Variants in HELQ observed in about 807,000 individuals in gnomAD.
The protein encoded by HELQ is helicase, POLQ like.
Under a neutral mutation model 111.6 loss-of-function variants are expected in HELQ, and 77 were observed. That is an observed-to-expected ratio of 0.69 (90% CI 0.57 to 0.83). The LOEUF (loss-of-function observed/expected upper bound fraction) is 0.83. Ranked by LOEUF, HELQ falls within the 40% of genes least tolerant of loss-of-function variation. The pLI is 0.00. For synonymous variants in HELQ, 438 were observed against 454.7 expected (o/e 0.96, Z 0.47); for missense variants, 1,200 against 1,288.5 (o/e 0.93, Z 1.05).
chr4:83,455,825 G>C (rs1721766875), upstream of HELQ: 3 of 933,122 alleles, frequency 3.2e-6, no homozygotes, highest in Admixed American at 2.3e-5. Flanking sequence ...TTAGCTCTCA[G>C]GGCTCGCGGA....
Position 83,453,387 on chromosome 4 carries a change from T to C in HELQ, c.856A>G (p.Arg286Gly). 1.2e-6 allele frequency: 2 copies of C among 1,606,484 alleles called. No individual in the cohort carries two copies. Among genetic ancestry groups the C allele is most frequent in the South Asian group, 1.1e-5 (1 of 89,090 alleles). The change falls in exon 2 of 18, where the codon AGA (arginine) becomes GGA (glycine). Residue 286 changes from arginine to glycine, a missense_variant. Arg to Gly is a moderately radical substitution (Grantham distance 125, BLOSUM62 -2). Transcript: ENST00000295488. ...AGAGTGTCTTTGAGCTGTTTACTTCTAGAAAATATTGGTGTCTGGGCCTTC... is the reference window on the plus strand; with the variant it reads ...AGAGTGTCTTTGAGCTGTTTACTTCCAGAAAATATTGGTGTCTGGGCCTTC... ...NAKAQTPIFS[R>G]SKQLKDTLLS...
intron 3 of HELQ, among the ~76,000 whole-genome samples, chr4:83,447,592 C>T (rs1421571700): frequency 6.6e-6 from 1 of 152,070 alleles, no homozygotes; most frequent in Non-Finnish European, 1.5e-5. Flanking sequence ...GGTGTGTTGG[C>T]TCATGCCTGT....
intron 3 of HELQ, among the ~76,000 whole-genome samples, chr4:83,447,705 A>G (rs956155842): frequency 1.3e-5 from 2 of 151,880 alleles, no homozygotes; most frequent in African/African-American, 4.8e-5. Flanking sequence ...CCAAAAATAA[A>G]AAAATTAGCC....
At chr4:83,428,597 C>T (rs1221929128) in intron 12 of HELQ, among the ~76,000 whole-genome samples, 1 of 151,910 alleles carries the variant, frequency 6.6e-6, no homozygotes, top group Non-Finnish European at 1.5e-5. Flanking sequence ...AAACAACCCC[C>T]ACAACACTTT....
intron 17 of HELQ, among the ~76,000 whole-genome samples, chr4:83,414,425 C>T (rs1168787433): frequency 6.6e-6 from 1 of 152,156 alleles, no homozygotes; most frequent in Non-Finnish European, 1.5e-5. Flanking sequence ...CTTTAAAGTT[C>T]TGTTGACCCC....
At position 83,436,955 on chromosome 4, in the gene HELQ, C is replaced by T; in HGVS notation, c.1951G>A (p.Glu651Lys). ...AYHHSGLTSD[E>K]RKLLEEAYST... The stretch of plus-strand genomic sequence containing the variant: ...TAGGCCTCCTCCAAGAGTTTCCTTT[C>T]ATCACTTGTTAAGCCACTGTGGTGA... The change falls in exon 9 of 18, where the codon GAA becomes AAA. Residue 651 changes from glutamate (E) to lysine (K), a missense_variant. By Grantham distance (56) the Glu-to-Lys change is moderately conservative. Transcript: ENST00000295488. The T allele has an allele frequency of 6.2e-7, 1 of 1,614,216 alleles. No individual in the cohort carries two copies. The highest frequency in any genetic ancestry group is 8.5e-7 in the Non-Finnish European group (1 of 1,180,028).
At chr4:83,424,857 A>G (rs1719759900) in intron 14 of HELQ, among the ~76,000 whole-genome samples, 1 of 152,142 alleles carries the variant, frequency 6.6e-6, no homozygotes, top group Admixed American at 6.6e-5. Context: ...GCCGGGCCCA[A>G]TATTTTTGAT....
Position 83,407,542 on chromosome 4 carries a change from C to T in HELQ, c.3217G>A (p.Ala1073Thr). The T allele has an allele frequency of 1.2e-6, 2 of 1,610,816 alleles. No individual in the cohort carries two copies. The highest frequency in any genetic ancestry group is 1.7e-6 in the Non-Finnish European group (2 of 1,178,796). ...SSAKMLLHEK[A>T]EALQEEVEEL... Reference sequence around the variant, plus strand: ...TCTACCTCTTCTTGCAGGGCTTCTGCTTTTTCATGCAACAGCATCTACATT... The same window carrying T: ...TCTACCTCTTCTTGCAGGGCTTCTGTTTTTTCATGCAACAGCATCTACATT... Residue 1073 changes from alanine (A) to threonine (T), a missense_variant, in exon 18 of 18, where the codon GCA becomes ACA. By Grantham distance (58) the Ala-to-Thr change is moderately conservative. Coordinates refer to ENST00000295488, the MANE Select transcript of HELQ (RefSeq NM_133636.5).
In HELQ at chr4:83,453,954, AG is replaced by A. The variant is rs1721561848; in HGVS notation, c.298-10del. The A allele has an allele frequency of 1.3e-6, 2 of 1,529,338 alleles. No homozygotes were observed. The allele number at this position is 1,529,338 out of a possible 1,614,324, so 94.7% of individuals were successfully genotyped here. A position where few individuals can be genotyped will look rare whatever the true frequency, so the allele number is the denominator to read the frequency against. ...ACTTCACTGTCATTAGGCTGCAAAG[AG>A]AACAAAAACGCTTATGGTCAATTCC... On this transcript the variant is annotated splice_polypyrimidine_tract_variant and intron_variant, in intron 1 of 17. Coordinates refer to ENST00000295488, the MANE Select transcript of HELQ (RefSeq NM_133636.5).
At chr4:83,428,648 G>GA (rs1312884832) in intron 12 of HELQ, among the ~76,000 whole-genome samples, 1 of 151,864 alleles carries the variant, frequency 6.6e-6, no homozygotes, top group Non-Finnish European at 1.5e-5. Context: ...TTATATTCAG[G>GA]AAAAAAAGCA....
chr4:83,455,832 C>A, upstream of HELQ: 1 of 888,558 alleles, frequency 1.1e-6, no homozygotes, highest in Non-Finnish European at 1.7e-6. Context: ...TCAGGGCTCG[C>A]GGACCGGAAG....
At chr4:83,427,881 T>C (rs1221257145) in intron 12 of HELQ, among the ~76,000 whole-genome samples, 161 bp from the exon 13 acceptor site, 1 of 152,226 alleles carries the variant, frequency 6.6e-6, no homozygotes, top group Admixed American at 6.5e-5. Context: ...TTGATAGTAC[T>C]CATCAACACT....
chr4:83,453,247 T>A lies in HELQ; in HGVS notation c.996A>T (p.Gly332=). 2 of 1,599,100 alleles carry A rather than the reference T, an allele frequency of 1.3e-6. No individual in the cohort carries two copies. The highest frequency in any genetic ancestry group is 1.7e-6 in the Non-Finnish European group (2 of 1,175,640). ...KVRDLYAQFK[G]IEKLYEWQHT... ...AAGCATTACCATATAATTTTTCAAT[T>A]CCCTTGAATTGGGCATAAAGGTCTC... The change falls in exon 2 of 18, where the codon GGA becomes GGT. Residue 332 remains glycine (G), a synonymous_variant. Transcript: ENST00000295488.
At chr4:83,428,787 A>C (rs1719978620) in intron 12 of HELQ, among the ~76,000 whole-genome samples, 1 of 152,124 alleles carries the variant, frequency 6.6e-6, no homozygotes, top group African/African-American at 2.4e-5. Context: ...ATATTTAAAA[A>C]AAGAAAAAAA....
intron 15 of HELQ, among the ~76,000 whole-genome samples, chr4:83,419,785 T>G (rs548070325): frequency 5.3e-5 from 8 of 152,136 alleles, no homozygotes; most frequent in Admixed American, 6.5e-5. Flanking sequence ...TTAACTAGCA[T>G]GTGCTCAGGG....
chr4:83,434,525 C>G (rs1025340242), intron 9 of HELQ, among the ~76,000 whole-genome samples: 1 of 151,824 alleles, frequency 6.6e-6, no homozygotes, highest in Non-Finnish European at 1.5e-5. Flanking sequence ...TGCAGTGGTA[C>G]AATCATAGCT....
chr4:83,419,180 T>G (rs1033541273), intron 15 of HELQ, among the ~76,000 whole-genome samples: 1 of 146,224 alleles, frequency 6.8e-6, no homozygotes, highest in South Asian at 2.1e-4. Context: ...TTTTTTTTTT[T>G]CTAGCTCATA....
In HELQ at chr4:83,455,561, C is replaced by T. The variant is rs200877977; in HGVS notation, c.133G>A (p.Glu45Lys). 2.9e-5 allele frequency: 47 copies of T among 1,614,126 alleles called. No homozygotes were observed. The Admixed American group carries it at 5.0e-4, about 17-fold the overall frequency. Residue 45 changes from glutamate to lysine, a missense_variant, in exon 1 of 18, where the codon GAA (glutamate) becomes AAA (lysine). Glu to Lys is a moderately conservative substitution (Grantham distance 56). This residue lies in a region of HELQ where 610 missense variants were observed against 607.1 expected (regional missense o/e 1.00). Transcript: ENST00000295488. ...VPGDEGKEEE[E>K]MVAENRRRKT... ...CGCCTCCTGTTCTCAGCCACCATTT[C>T]CTCCTCCTCTTTCCCCTCATCTCCG...
At chr4:83,450,898 T>C (rs541393879) in intron 2 of HELQ, among the ~76,000 whole-genome samples, 2 of 152,096 alleles carry the variant, frequency 1.3e-5, no homozygotes, top group South Asian at 4.1e-4. Flanking sequence ...CCTGGGAGGT[T>C]GACGCTGTAG....
Sources: allele counts gnomAD v4.1 joint callset (sites outside exome capture counted in the v4.1 genomes callset), GRCh38; gene constraint gnomAD v4.1.1; regional missense constraint gnomAD v4.1.1; transcripts MANE v1.5; gene names NCBI Gene and HGNC (gene_info 2026-07-23, HGNC 2026-07-21).